Variants in XRCC4 observed in about 807,000 individuals in gnomAD.
XRCC4 encodes the protein DNA repair protein XRCC4.
In XRCC4, 28 loss-of-function variants were observed where a neutral mutation model predicts 39.1. The ratio of observed to expected loss-of-function variants is 0.72; its 90% CI spans 0.53 to 0.98. The LOEUF is 0.98. XRCC4 is among the 50% of genes least tolerant of loss of function. The pLI, the probability that XRCC4 is intolerant of heterozygous loss-of-function variation, is 0.00. For missense variants in XRCC4, 350 were observed against 376.4 expected (o/e 0.93, Z 0.58); for synonymous variants, 123 against 126.4 (o/e 0.97, Z 0.18).
At chr5:83,228,246 A>G (rs548289519) in intron 6 of XRCC4, among the ~76,000 whole-genome samples, 8 of 152,180 alleles carry the variant, frequency 5.3e-5, no homozygotes, top group East Asian at 1.9e-4. Flanking sequence ...ACAATAAAGT[A>G]AATTCATTTT....
At chr5:83,106,440 C>A (rs28383144) in intron 2 of XRCC4, among the ~76,000 whole-genome samples, 1 of 151,990 alleles carries the variant, frequency 6.6e-6, no homozygotes, top group Non-Finnish European at 1.5e-5. Context: ...TGTTGTCAGA[C>A]AGATGACCTT....
intron 3 of XRCC4, among the ~76,000 whole-genome samples, chr5:83,152,359 C>A (rs2112556644): frequency 6.6e-6 from 1 of 152,272 alleles, no homozygotes; most frequent in East Asian, 1.9e-4. Flanking sequence ...TCAGGCCTGG[C>A]ACGGTGGCTC....
At chr5:83,201,854 C>T (rs1751213032) in intron 4 of XRCC4, 1 of 152,122 alleles carries the variant, frequency 6.6e-6, no homozygotes, top group Admixed American at 6.6e-5. Flanking sequence ...CCAGTCTGAC[C>T]AACATGGTGA....
chr5:83,368,032 G>T, the XRCC4 span, among the ~76,000 whole-genome samples: 1 of 151,040 alleles, frequency 6.6e-6, no homozygotes, highest in Non-Finnish European at 1.5e-5. Context: ...TTTAAAACAG[G>T]CTGTGGATGC....
intron 3 of XRCC4, among the ~76,000 whole-genome samples, chr5:83,164,195 C>A (rs1749350790): frequency 1.3e-5 from 2 of 152,054 alleles, no homozygotes; most frequent in African/African-American, 2.4e-5. Flanking sequence ...AAATCTTTAG[C>A]CTCTCACTAT....
chr5:83,176,280 C>T (rs989722611), intron 3 of XRCC4, among the ~76,000 whole-genome samples: 5 of 151,946 alleles, frequency 3.3e-5, no homozygotes, highest in Admixed American at 2.6e-4. Flanking sequence ...TTTCATGGGA[C>T]TTGCTGATTG....
At chr5:83,203,797 T>C (rs984909975) in intron 5 of XRCC4, 90 bp downstream of exon 5, 2 of 1,471,738 alleles carry the variant, frequency 1.4e-6, no homozygotes, top group Admixed American at 2.0e-5. Context: ...TGCCAACTTT[T>C]TGATCATATG....
At chr5:83,218,062 T>TTATATA (rs560667796) in intron 6 of XRCC4, among the ~76,000 whole-genome samples, 35 of 147,614 alleles carry the variant, frequency 2.4e-4, no homozygotes, top group African/African-American at 7.8e-4. Context: ...TTTACCTTTT[T>TTATATA]TATATATATA....
At chr5:83,238,999 G>A (rs1223935737) in intron 6 of XRCC4, among the ~76,000 whole-genome samples, 1 of 152,204 alleles carries the variant, frequency 6.6e-6, no homozygotes, top group Non-Finnish European at 1.5e-5. Flanking sequence ...ACTAGACTGT[G>A]CAATTAATAA....
intron 3 of XRCC4, among the ~76,000 whole-genome samples, chr5:83,124,911 G>A (rs371467544): frequency 6.6e-6 from 1 of 152,134 alleles, no homozygotes; most frequent in Non-Finnish European, 1.5e-5. Flanking sequence ...AACTTTATCA[G>A]CAAGTGCTAC....
intron 6 of XRCC4, among the ~76,000 whole-genome samples, chr5:83,209,258 A>G (rs1751543214): frequency 6.6e-6 from 1 of 152,116 alleles, no homozygotes; most frequent in African/African-American, 2.4e-5. Context: ...TATGTCCACT[A>G]AATAACAGAA....
At chr5:83,171,666 A>G (rs1193165124) in intron 3 of XRCC4, among the ~76,000 whole-genome samples, 1 of 152,142 alleles carries the variant, frequency 6.6e-6, no homozygotes, top group Non-Finnish European at 1.5e-5. Context: ...TGTCCTCTGA[A>G]GATACTTGAC....
At chr5:83,185,174 G>A (rs2974444) in intron 3 of XRCC4, among the ~76,000 whole-genome samples, 68,861 of 151,628 alleles carry the variant, frequency 0.45, 16,079 homozygotes, top group South Asian at 0.52. Flanking sequence ...AGTGTAGGAC[G>A]TCTGAATGAA....
At chr5:83,204,100 G>A (rs1751324533) in intron 5 of XRCC4, among the ~76,000 whole-genome samples, 1 of 152,144 alleles carries the variant, frequency 6.6e-6, no homozygotes, top group Non-Finnish European at 1.5e-5. Flanking sequence ...TTAAATTCCA[G>A]GGAGCACTTA....
chr5:83,208,999 C>T (rs1751526682), intron 6 of XRCC4, among the ~76,000 whole-genome samples: 1 of 151,790 alleles, frequency 6.6e-6, no homozygotes, highest in African/African-American at 2.4e-5. Context: ...GTAGGGATCA[C>T]TTTCACCCCT....
intron 3 of XRCC4, among the ~76,000 whole-genome samples, chr5:83,139,077 G>A (rs1016571541): frequency 4.6e-5 from 7 of 151,998 alleles, no homozygotes; most frequent in Non-Finnish European, 8.8e-5. Context: ...TTTTATTTCA[G>A]TTTCACCAGT....
At chr5:83,340,107 C>T (rs1156524409) in intron 7 of XRCC4, among the ~76,000 whole-genome samples, 2 of 152,174 alleles carry the variant, frequency 1.3e-5, no homozygotes, top group Non-Finnish European at 2.9e-5. Context: ...TTACACTAAC[C>T]TTGCAGATCC....
At chr5:83,092,076 T>C (rs148462876) in intron 1 of XRCC4, among the ~76,000 whole-genome samples, 1,853 of 152,316 alleles carry the variant, frequency 0.012, 35 homozygotes, top group African/African-American at 0.042. Context: ...GATATCTAAT[T>C]GTGATTTTAA....
intron 1 of XRCC4, among the ~76,000 whole-genome samples, chr5:83,096,090 G>A (rs1215541049): frequency 1.3e-5 from 2 of 152,062 alleles, no homozygotes; most frequent in Non-Finnish European, 2.9e-5. Context: ...GTGGGATGGA[G>A]GCTGAGTCAC....
Sources: allele counts gnomAD v4.1 joint callset (sites outside exome capture counted in the v4.1 genomes callset), GRCh38; gene constraint gnomAD v4.1.1; transcripts MANE v1.5; gene names NCBI Gene and HGNC (gene_info 2026-07-23, HGNC 2026-07-21).